PRKD3: variants seen among roughly 807,000 people sequenced by gnomAD.
PRKD3 encodes protein kinase D3.
In PRKD3, 47 loss-of-function variants were observed where a neutral mutation model predicts 99.2. That is an observed-to-expected ratio of 0.47 (90% CI 0.38 to 0.60). The LOEUF is 0.60. PRKD3 is among the 20% of genes least tolerant of loss of function. The pLI is 0.00. For synonymous variants in PRKD3, 392 were observed against 355.4 expected, an observed-to-expected ratio of 1.10 and a Z score of -1.16; for missense variants, 1,019 against 1,088.4, an observed-to-expected ratio of 0.94 and a Z score of 0.90.
At chr2:37,314,961 C>T (rs1671594913) in intron 2 of PRKD3, among the ~76,000 whole-genome samples, 1 of 149,960 alleles carries the variant, frequency 6.7e-6, no homozygotes, top group Non-Finnish European at 1.5e-5. Context: ...AAAACAAAGG[C>T]AGCATAGGTC....
intron 2 of PRKD3, among the ~76,000 whole-genome samples, chr2:37,301,627 TCA>T (rs1464775470): frequency 6.6e-6 from 1 of 152,134 alleles, no homozygotes; most frequent in Non-Finnish European, 1.5e-5. Context: ...TCTGCTATGC[TCA>T]CAGAGTCAAA....
chr2:37,275,300 G>A (rs1457799651), intron 10 of PRKD3, among the ~76,000 whole-genome samples: 3 of 152,190 alleles, frequency 2.0e-5, no homozygotes, highest in South Asian at 4.2e-4. Flanking sequence ...AATCTTGCTT[G>A]CTATCAGTTT....
chr2:37,293,023 TTAAG>T (rs1313011942), intron 3 of PRKD3, 106 bp downstream of exon 3: 36 of 1,171,098 alleles, frequency 3.1e-5, no homozygotes, highest in Admixed American at 4.7e-5. Context: ...ATGAAAGAAA[TTAAG>T]TAACAATAAT....
intron 16 of PRKD3, among the ~76,000 whole-genome samples, chr2:37,258,568 T>C (rs1459769592): frequency 6.6e-6 from 1 of 152,200 alleles, no homozygotes; most frequent in Non-Finnish European, 1.5e-5. Flanking sequence ...AGTTTTAATG[T>C]TACCAGTAGG....
intron 12 of PRKD3, 106 bp from the exon 13 acceptor site, chr2:37,269,793 C>T (rs774440570): frequency 1.2e-6 from 1 of 802,766 alleles, no homozygotes; most frequent in Non-Finnish European, 1.9e-6. Flanking sequence ...ATGTTAGAAG[C>T]AGCTAATTTC....
intron 1 of PRKD3, chr2:37,317,638 C>T (rs1671722155): frequency 1.3e-5 from 2 of 152,122 alleles, no homozygotes; most frequent in Non-Finnish European, 2.9e-5. Context: ...AATACTAATT[C>T]TGCCGAAACA....
chr2:37,275,296 G>C (rs1239520452), intron 10 of PRKD3, among the ~76,000 whole-genome samples: 1 of 151,970 alleles, frequency 6.6e-6, no homozygotes, highest in Non-Finnish European at 1.5e-5. Flanking sequence ...TTATAATCTT[G>C]CTTGCTATCA....
At chr2:37,280,824 C>G (rs1171554148) in intron 7 of PRKD3, among the ~76,000 whole-genome samples, 1 of 151,980 alleles carries the variant, frequency 6.6e-6, no homozygotes, top group Non-Finnish European at 1.5e-5. Flanking sequence ...AAATGAAAGC[C>G]CATAGAATGG....
intron 7 of PRKD3, among the ~76,000 whole-genome samples, chr2:37,280,995 A>G (rs947116157): frequency 6.6e-6 from 1 of 152,232 alleles, no homozygotes; most frequent in Admixed American, 6.5e-5. Flanking sequence ...GCGAATGAAC[A>G]CATGAAAAGA....
chr2:37,297,816 T>C (rs1160248310), intron 2 of PRKD3, among the ~76,000 whole-genome samples: 1 of 152,238 alleles, frequency 6.6e-6, no homozygotes, highest in East Asian at 1.9e-4. Flanking sequence ...GGGCACCTAC[T>C]GTCAACATGA....
chr2:37,323,926 GCA>G (rs976516414), intron 1 of PRKD3, among the ~76,000 whole-genome samples: 1 of 152,122 alleles, frequency 6.6e-6, no homozygotes, highest in Non-Finnish European at 1.5e-5. Context: ...CAGGTCGCGC[GCA>G]CACACTTGTC....
intron 1 of PRKD3, among the ~76,000 whole-genome samples, chr2:37,323,580 C>G (rs1490289312): frequency 6.6e-6 from 1 of 151,986 alleles, no homozygotes; most frequent in Non-Finnish European, 1.5e-5. Flanking sequence ...TGGCCTAGAT[C>G]TCAGTCGGGG....
At position 37,277,933 on chromosome 2, in the gene PRKD3, G is replaced by C; in HGVS notation, c.1229C>G (p.Thr410Arg). 6.2e-7 allele frequency: 1 copy of C among 1,612,988 alleles called. No homozygotes were observed. The highest frequency in any genetic ancestry group is 8.5e-7 in the Non-Finnish European group (1 of 1,179,152). The change falls in exon 9 of 19, where the codon ACA becomes AGA. Residue 410 changes from threonine (T) to arginine (R), a missense_variant. Thr to Arg is a moderately conservative substitution (Grantham distance 71, BLOSUM62 -1). Coordinates refer to ENST00000234179, the MANE Select transcript of PRKD3 (RefSeq NM_005813.6). ...CACCATTGTGCTGCTCTTCCTCTTT[G>C]TGTGCTTGATGGATTGTACAACCCT... ...LMRVVQSIKH[T>R]KRKSSTMVKE...
At chr2:37,281,020 A>G (rs1239278891) in intron 7 of PRKD3, among the ~76,000 whole-genome samples, 1 of 152,356 alleles carries the variant, frequency 6.6e-6, no homozygotes, top group Non-Finnish European at 1.5e-5. Context: ...CAATATTATT[A>G]GCCACCAGGG....
intron 12 of PRKD3, among the ~76,000 whole-genome samples, chr2:37,270,396 C>T (rs1464905844): frequency 6.7e-6 from 1 of 148,368 alleles, no homozygotes; most frequent in Non-Finnish European, 1.5e-5. Context: ...CTGGGATTAG[C>T]CTAACTTTGA....
At chr2:37,262,902 C>G (rs78695298) in intron 14 of PRKD3, among the ~76,000 whole-genome samples, 17 of 151,578 alleles carry the variant, frequency 1.1e-4, no homozygotes, top group Admixed American at 3.3e-4. Flanking sequence ...CCTTCCCCCC[C>G]CCGTATTTGT....
At position 37,316,851 on chromosome 2, in the gene PRKD3, T is replaced by A; in HGVS notation, c.-327A>T. 1 of 1,097,682 alleles carries A rather than the reference T, an allele frequency of 9.1e-7. No homozygotes were observed. Among genetic ancestry groups the A allele is most frequent in the Non-Finnish European group, 1.1e-6 (1 of 901,406 alleles). The allele number at this position is 1,097,682 out of a possible 1,614,324, so 68.0% of individuals were successfully genotyped here. ...ACGTAGCTTATTTACGAATCTATTT[T>A]CCTTTCAGTCTGTACTTGTCTCTTT... On this transcript the variant is annotated 5_prime_UTR_variant, in exon 2 of 19. An upstream open reading frame in the 5' UTR gains an earlier in-frame stop. Transcript: ENST00000234179.
At chr2:37,294,877 C>A (rs1325952678) in intron 2 of PRKD3, among the ~76,000 whole-genome samples, 2 of 152,142 alleles carry the variant, frequency 1.3e-5, no homozygotes, top group Non-Finnish European at 2.9e-5. Flanking sequence ...GAGTTTGAGA[C>A]CAGCCTGGAC....
intron 1 of PRKD3, among the ~76,000 whole-genome samples, chr2:37,319,290 G>A (rs1477980216): frequency 6.6e-6 from 1 of 152,182 alleles, no homozygotes; most frequent in East Asian, 1.9e-4. Context: ...TTGGATGTTA[G>A]TGTAGTTAAG....
Sources: gnomAD v4.1 joint callset for allele counts (sites outside exome capture counted in the v4.1 genomes callset) on GRCh38, gnomAD v4.1.1 for gene constraint, MANE v1.5 for transcripts, NCBI Gene and HGNC (gene_info 2026-07-23, HGNC 2026-07-21) for gene names.